Variants in CDC34 observed in about 807,000 individuals in gnomAD.
CDC34 encodes cell division cycle 34, ubiquitin conjugating enzyme, also known as ubiquitin-conjugating enzyme E2 R1.
In CDC34, 18 loss-of-function variants were observed where a neutral mutation model predicts 26.8. That is an observed-to-expected ratio of 0.67 (90% CI 0.47 to 1.00). The LOEUF (loss-of-function observed/expected upper bound fraction) is 1.00, where lower values mean the gene tolerates loss of function less well. Among genes scored for constraint, CDC34 ranks in the 50% least tolerant of loss-of-function variants. The pLI is 0.00. For synonymous variants in CDC34, 178 were observed against 147.5 expected (o/e 1.21, Z -1.50); for missense variants, 280 against 334.5 (o/e 0.84, Z 1.27).
intron 3 of CDC34, 52 bp from the exon 4 acceptor site, chr19:536,961 C>T (rs778557166): frequency 1.1e-5 from 18 of 1,610,202 alleles, no homozygotes; most frequent in Middle Eastern, 1.7e-4. Context: ...AGAGAAGAGC[C>T]GGAAGGCTGG....
intron 2 of CDC34, 113 bp from the exon 3 acceptor site, chr19:536,130 G>T: frequency 2.3e-6 from 1 of 433,400 alleles, no homozygotes. Context: ...CCGGGACCCG[G>T]GGCGCTGGGA....
intron 3 of CDC34, 87 bp downstream of exon 3, chr19:536,427 G>T (rs992560499): frequency 1.8e-5 from 19 of 1,076,262 alleles, no homozygotes; most frequent in Non-Finnish European, 2.7e-6. Flanking sequence ...CAGGTAGGCC[G>T]GGCTCCCCCA....
intron 4 of CDC34, 97 bp from the exon 5 acceptor site, chr19:541,242 T>G: frequency 2.3e-5 from 32 of 1,414,484 alleles, no homozygotes; most frequent in Non-Finnish European, 2.8e-5. Context: ...AAGAGAAACC[T>G]GAGCGTTGGG....
chr19:541,833 T>G lies in CDC34; in HGVS notation c.*281T>G. ...CGGGAGGGGAGCTGAGCCCGACTTC[T>G]ACCGGGGTCCCCCAGCTTCCGGACT... On this transcript the variant is annotated 3_prime_UTR_variant, in exon 5 of 5. Transcript: ENST00000215574. 2.4e-5 allele frequency: 6 copies of G among 252,736 alleles called. No homozygotes were observed. Among genetic ancestry groups the G allele is most frequent in the Non-Finnish European group, 3.8e-5 (5 of 132,512 alleles). The allele number at this position is 252,736 out of a possible 1,614,324, so 15.7% of individuals were successfully genotyped here. A position where few individuals can be genotyped will look rare whatever the true frequency, so the allele number is the denominator to read the frequency against.
chr19:534,419 A>G (rs36194358), intron 1 of CDC34, among the ~76,000 whole-genome samples: 21,602 of 88,544 alleles, frequency 0.24, 1,304 homozygotes, highest in East Asian at 0.38. Context: ...ACCCCCGAGT[A>G]CCCTCCCTGT....
intron 2 of CDC34, 66 bp downstream of exon 2, chr19:535,989 G>T (rs759920317): frequency 2.7e-6 from 4 of 1,459,204 alleles, no homozygotes; most frequent in Non-Finnish European, 3.8e-6. Flanking sequence ...GGAGCCTCAC[G>T]TCCTCATCCT....
At chr19:536,519 C>T (rs1979760086) in intron 3 of CDC34, 179 bp downstream of exon 3, 3 of 598,978 alleles carry the variant, frequency 5.0e-6, no homozygotes, top group African/African-American at 1.9e-5. Flanking sequence ...TAGGTGCTTT[C>T]ACGGGGCCTG....
chr19:541,839 G>A lies in CDC34; in HGVS notation c.*287G>A, dbSNP rs1397627241. On this transcript the variant is annotated 3_prime_UTR_variant, in exon 5 of 5. Coordinates refer to ENST00000215574, the MANE Select transcript of CDC34 (RefSeq NM_004359.2). ...GGGAGCTGAGCCCGACTTCTACCGG[G>A]GTCCCCCAGCTTCCGGACTGGCCGC... 2 of 254,222 alleles carry A rather than the reference G, an allele frequency of 7.9e-6. No individual in the cohort carries two copies. The highest frequency in any genetic ancestry group is 2.6e-4 in the South Asian group (2 of 7,746). 15.7% of individuals were successfully genotyped at this position (254,222 alleles called of 1,614,324 possible).
In CDC34 at chr19:537,121, G is replaced by T. The variant is rs1186468318; in HGVS notation, c.471G>T (p.Lys157Asn). 1.2e-6 allele frequency: 2 copies of T among 1,613,568 alleles called. No homozygotes were observed. Among genetic ancestry groups the T allele is most frequent in the Non-Finnish European group, 1.7e-6 (2 of 1,179,978 alleles). ...MYRKWKESKG[K>N]DREYTDIIRK... The stretch of plus-strand genomic sequence containing the variant: ...GGAAGTGGAAAGAGAGCAAGGGGAA[G>T]GATCGGGAGTACACAGACATCATCC... Residue 157 changes from lysine to asparagine, a missense_variant, in exon 4 of 5, where the codon AAG becomes AAT. Coordinates refer to ENST00000215574, the MANE Select transcript of CDC34 (RefSeq NM_004359.2).
rs373978979 is a variant in CDC34 at position 535,213 on chromosome 19, G to A, written c.178-624G>A. Among the ~76,000 whole-genome samples the A allele has an allele frequency of 6.6e-5, 10 of 152,344 alleles. No homozygotes were observed. In the East Asian group the frequency reaches 1.2e-3, roughly 18 times the overall value. On this transcript the variant is annotated intron_variant, in intron 1 of 4. Coordinates refer to ENST00000215574, the MANE Select transcript of CDC34 (RefSeq NM_004359.2). ...CTGGGTGACCACAGGGGGCGATGCT[G>A]ACAGGGAAGGAGTCCTGCCAGGTTT... is the stretch of plus-strand genomic sequence containing the variant.
intron 4 of CDC34, among the ~76,000 whole-genome samples, chr19:537,762 T>C (rs575716107): frequency 2.7e-5 from 4 of 148,546 alleles, no homozygotes. Flanking sequence ...TTGGAGCAGT[T>C]CTCCCCCTTC....
intron 1 of CDC34, among the ~76,000 whole-genome samples, chr19:535,322 G>C (rs946105723): frequency 6.6e-6 from 1 of 152,228 alleles, no homozygotes; most frequent in South Asian, 2.1e-4. Flanking sequence ...CCCCTCCCAC[G>C]GCCTGGGCCA....
intron 4 of CDC34, chr19:539,041 C>G: frequency 1.0e-6 from 1 of 978,678 alleles, no homozygotes; most frequent in Non-Finnish European, 1.2e-6. Flanking sequence ...TCAAAACTCC[C>G]TGTGGGCCAA....
Position 539,963 on chromosome 19 carries a change from CA to C in CDC34, c.498-1375del, listed in dbSNP as rs1297565147. On this transcript the variant is annotated intron_variant, in intron 4 of 4. Transcript: ENST00000215574. ...CCTTCCTGCCAGAGGCTGGGATGGCCAGGCCCCCCAGGTTTAGAATCCGGAG... is the reference window on the plus strand; with the variant it reads ...CCTTCCTGCCAGAGGCTGGGATGGCCGGCCCCCCAGGTTTAGAATCCGGAG... 4.6e-5 allele frequency among the ~76,000 whole-genome samples: 7 copies of C among 151,166 alleles called. No individual in the cohort carries two copies. In the East Asian group the frequency reaches 1.4e-3, roughly 30 times the overall value.
chr19:532,274 C>T (rs1979528653), intron 1 of CDC34, among the ~76,000 whole-genome samples, 166 bp downstream of exon 1: 1 of 152,198 alleles, frequency 6.6e-6, no homozygotes, highest in Non-Finnish European at 1.5e-5. Context: ...CCCAGCTCTG[C>T]CCGGCCCCCT....
intron 1 of CDC34, among the ~76,000 whole-genome samples, chr19:534,153 C>T (rs1457502940): frequency 6.6e-6 from 1 of 152,178 alleles, no homozygotes; most frequent in Non-Finnish European, 1.5e-5. Flanking sequence ...AGGATTGCCG[C>T]CTGAAACCCA....
At chr19:533,171 G>C (rs1376041720) in intron 1 of CDC34, among the ~76,000 whole-genome samples, 3 of 152,162 alleles carry the variant, frequency 2.0e-5, no homozygotes, top group Non-Finnish European at 4.4e-5. Context: ...GGGGCCAGAG[G>C]GACAAAGCGA....
At chr19:540,049 C>CGG (rs1979943499) in intron 4 of CDC34, among the ~76,000 whole-genome samples, 8 of 54,792 alleles carry the variant, frequency 1.5e-4, no homozygotes, top group East Asian at 6.6e-4. Flanking sequence ...AGGCCCCCCA[C>CGG]GTTTAGAATC....
chr19:535,690 A>C, intron 1 of CDC34, 147 bp from the exon 2 acceptor site: 1 of 714,700 alleles, frequency 1.4e-6, no homozygotes, highest in South Asian at 1.6e-5. Flanking sequence ...CAGGCCTGTG[A>C]GAGTCCCTGC....
Sources: allele counts gnomAD v4.1 joint callset (sites outside exome capture counted in the v4.1 genomes callset), GRCh38; gene constraint gnomAD v4.1.1; transcripts MANE v1.5; gene names NCBI Gene and HGNC (gene_info 2026-07-23, HGNC 2026-07-21).